POC1B: variants seen among roughly 807,000 people sequenced by gnomAD.
POC1B encodes POC1 centriolar protein homolog B.
Under a neutral mutation model 60.6 loss-of-function variants are expected in POC1B, and 44 were observed. The observed-to-expected ratio is 0.73, with a 90% CI of 0.57 to 0.93. The LOEUF (loss-of-function observed/expected upper bound fraction) is 0.93, where lower values mean the gene tolerates loss of function less well. Among genes scored for constraint, POC1B ranks in the 40% least tolerant of loss-of-function variants. POC1B has a pLI of 0.00. For missense variants in POC1B, 555 were observed against 572.3 expected (o/e 0.97, Z 0.31); for synonymous variants, 180 against 198.9 (o/e 0.90, Z 0.80).
intron 4 of POC1B, among the ~76,000 whole-genome samples, chr12:89,490,090 A>G (rs905369710): frequency 2.2e-4 from 33 of 152,254 alleles, no homozygotes. Flanking sequence ...CAGCATATAG[A>G]GAGGCCCCCA....
intron 5 of POC1B, 36 bp from the exon 6 acceptor site, chr12:89,471,765 T>TTAC: frequency 8.3e-7 from 1 of 1,202,868 alleles, no homozygotes; most frequent in Non-Finnish European, 1.2e-6. Context: ...AATATTTCAA[T>TTAC]TTCTTTTTTT....
chr12:89,424,377 C>T (rs1248531036), intron 11 of POC1B, among the ~76,000 whole-genome samples: 1 of 152,104 alleles, frequency 6.6e-6, no homozygotes, highest in Non-Finnish European at 1.5e-5. Context: ...GGTTGAGAAC[C>T]AGTTGGGTGA....
chr12:89,417,791 C>G (rs1322686442), downstream of POC1B, among the ~76,000 whole-genome samples: 1 of 152,146 alleles, frequency 6.6e-6, no homozygotes, highest in African/African-American at 2.4e-5. Flanking sequence ...GTGTTTTTCC[C>G]CTATCACAGA....
chr12:89,502,109 C>G, intron 2 of POC1B: 1 of 1,165,250 alleles, frequency 8.6e-7, no homozygotes. Context: ...CCAACAGAGT[C>G]AAACTTGGAT....
At chr12:89,500,857 A>G in intron 2 of POC1B, 1 of 1,056,296 alleles carries the variant, frequency 9.5e-7, no homozygotes, top group South Asian at 1.4e-5. Context: ...CATTCAGAAT[A>G]TGAAATTCAA....
the POC1B span, among the ~76,000 whole-genome samples, chr12:89,406,821 T>C: frequency 7.2e-4 from 109 of 152,000 alleles, no homozygotes; most frequent in African/African-American, 2.5e-3. Context: ...ATATATAAGA[T>C]AATACCAGGT....
chr12:89,430,698 CCTT>C (rs1173681058), intron 10 of POC1B, among the ~76,000 whole-genome samples: 1 of 152,050 alleles, frequency 6.6e-6, no homozygotes, highest in Non-Finnish European at 1.5e-5. Context: ...ATTTCTCACT[CCTT>C]ATTATATTTG....
chr12:89,525,091 T>C, intron 2 of POC1B, 29 bp downstream of exon 2: 2 of 1,613,816 alleles, frequency 1.2e-6, no homozygotes, highest in African/African-American at 1.3e-5. Context: ...TTAGTCTCAT[T>C]ACAAAAGCAA....
intron 4 of POC1B, among the ~76,000 whole-genome samples, chr12:89,476,551 T>C (rs1449185104): frequency 6.6e-6 from 1 of 151,990 alleles, no homozygotes; most frequent in East Asian, 1.9e-4. Flanking sequence ...CTGCTAAAAA[T>C]GCAAAAATTA....
rs1880518898 is a variant in POC1B at position 89,421,218 on chromosome 12, CCT to C, written c.1370_1371del (p.Glu457GlyfsTer2). ...SILEQRLTLT[E>X]DKLKDCLENQ... ...TTTTCAAGGCAGTCTTTCAGCTTAT[CCT>C]CTGTCAAAGTCAGTCGCTGCTCCAA... On this transcript the variant is annotated frameshift_variant, in exon 12 of 12. Coordinates refer to ENST00000313546, the MANE Select transcript of POC1B (RefSeq NM_172240.3). LOFTEE classifies it high-confidence loss of function. The C allele has an allele frequency of 6.2e-7, 1 of 1,603,198 alleles. No homozygotes were observed. The highest frequency in any genetic ancestry group is 8.5e-7 in the Non-Finnish European group (1 of 1,171,652).
At chr12:89,500,632 G>T in intron 2 of POC1B, 1 of 1,590,332 alleles carries the variant, frequency 6.3e-7, no homozygotes, top group Non-Finnish European at 8.6e-7. Flanking sequence ...GTGCCCAAAA[G>T]AGAGAGACTT....
chr12:89,523,201 C>T, intron 2 of POC1B: 2 of 1,613,972 alleles, frequency 1.2e-6, no homozygotes, highest in South Asian at 2.2e-5. Context: ...GATCCCTCTA[C>T]TGCGAATAGC....
At chr12:89,429,608 A>G (rs1331212801) in intron 10 of POC1B, 1 of 152,208 alleles carries the variant, frequency 6.6e-6, no homozygotes, top group African/African-American at 2.4e-5. Context: ...ACATACTATC[A>G]TACAATGATA....
intron 4 of POC1B, among the ~76,000 whole-genome samples, chr12:89,477,993 G>A (rs2135724937): frequency 6.6e-6 from 1 of 152,262 alleles, no homozygotes; most frequent in South Asian, 2.1e-4. Flanking sequence ...CTGCTTCAAT[G>A]TCACTTCCTC....
chr12:89,452,209 GC>G (rs1882072387), intron 10 of POC1B, among the ~76,000 whole-genome samples: 1 of 152,112 alleles, frequency 6.6e-6, no homozygotes, highest in African/African-American at 2.4e-5. Context: ...AGATTCCCAG[GC>G]CCGGGACAGT....
At chr12:89,511,426 A>G (rs1243225102) in intron 2 of POC1B, among the ~76,000 whole-genome samples, 2 of 152,112 alleles carry the variant, frequency 1.3e-5, no homozygotes, top group Non-Finnish European at 2.9e-5. Flanking sequence ...AAAAAAAAAA[A>G]AAAAAATTCC....
chr12:89,458,794 T>C lies in POC1B; in HGVS notation c.1113+844A>G, dbSNP rs569779255. On this transcript the variant is annotated intron_variant, in intron 10 of 11. Transcript: ENST00000313546. ...GCAGTAGTGTCGTCAAAGACCACGC[T>C]GTTCTTCCCATTTGTTCTTACGATT... Among the ~76,000 whole-genome samples, 4 of 152,348 alleles carry C rather than the reference T, an allele frequency of 2.6e-5. No individual in the cohort carries two copies. The East Asian group carries it at 7.7e-4, about 29-fold the overall frequency.
intron 2 of POC1B, among the ~76,000 whole-genome samples, chr12:89,510,640 G>A (rs560612028): frequency 6.6e-6 from 1 of 152,312 alleles, no homozygotes; most frequent in South Asian, 2.1e-4. Context: ...CCTGAAAACA[G>A]CTAACTCACA....
At position 89,492,057 on chromosome 12, in the gene POC1B, A is replaced by C; in HGVS notation, c.331T>G (p.Ser111Ala). ...GTAGCTAGAAACTGGCCATCAGCTG[A>C]AAAGTCTACACTTCGAACTGGAGCT... is the stretch of plus-strand genomic sequence containing the variant. ...HTAPVRSVDF[S>A]ADGQFLATAS... Residue 111 changes from serine to alanine, a missense_variant, in exon 4 of 12, where the codon TCA becomes GCA. Coordinates refer to ENST00000313546, the MANE Select transcript of POC1B (RefSeq NM_172240.3). The C allele has an allele frequency of 6.2e-7, 1 of 1,608,638 alleles. No homozygotes were observed. Among genetic ancestry groups the C allele is most frequent in the Non-Finnish European group, 8.5e-7 (1 of 1,178,436 alleles).
Sources: allele counts gnomAD v4.1 joint callset (sites outside exome capture counted in the v4.1 genomes callset), GRCh38; gene constraint gnomAD v4.1.1; transcripts MANE v1.5; gene names NCBI Gene and HGNC (gene_info 2026-07-23, HGNC 2026-07-21).